The following BICC1 variants were observed in gnomAD, a reference collection of about 807,000 sequenced individuals.
BICC1 encodes the protein BicC family RNA binding protein 1.
BICC1 carries 43 observed loss-of-function variants against 111.0 expected under a neutral mutation model. That is an observed-to-expected ratio of 0.39 (90% CI 0.30 to 0.50). The LOEUF is 0.50. BICC1 is among the 20% of genes least tolerant of loss of function. The pLI is 0.88. For synonymous variants in BICC1, 467 were observed against 434.4 expected (o/e 1.07, Z -0.93); for missense variants, 1,091 against 1,203.2 (o/e 0.91, Z 1.38).
At chr10:58,766,081 C>T (rs1359994194) in intron 3 of BICC1, among the ~76,000 whole-genome samples, 1 of 152,278 alleles carries the variant, frequency 6.6e-6, no homozygotes, top group East Asian at 1.9e-4. Flanking sequence ...TTCTTCGTCA[C>T]CCCCTGAAGC....
intron 2 of BICC1, among the ~76,000 whole-genome samples, chr10:58,668,187 G>A (rs796202447): frequency 1.3e-5 from 2 of 152,128 alleles, no homozygotes; most frequent in East Asian, 3.9e-4. Context: ...GAAGTTTTAC[G>A]TCATCTGTAG....
At position 58,684,699 on chromosome 10, in the gene BICC1, T is replaced by G. The variant is rs190929570; in HGVS notation, c.238-17375T>G. Among the ~76,000 whole-genome samples the G allele has an allele frequency of 4.2e-3, 639 of 152,324 alleles. 13 individuals carry two copies. The highest frequency in any genetic ancestry group is 0.015 in the African/African-American group (608 of 41,582). Reference sequence around the variant, plus strand: ...TAGTATTCTCTGATGGTAGTTTGTATTTCTGTGGGATCGGTGGTGATATCC... The same window carrying G: ...TAGTATTCTCTGATGGTAGTTTGTAGTTCTGTGGGATCGGTGGTGATATCC... On this transcript the variant is annotated intron_variant, in intron 2 of 20. Transcript: ENST00000373886.
chr10:58,661,836 A>G (rs1435189848), intron 2 of BICC1, among the ~76,000 whole-genome samples: 1 of 152,210 alleles, frequency 6.6e-6, no homozygotes, highest in Non-Finnish European at 1.5e-5. Flanking sequence ...CTTTTAACAT[A>G]TGAGGCATTG....
rs1174625043 is a variant in BICC1 at position 58,829,088 on chromosome 10, A to AATATGG, written c.*200_*205dup. 1.9e-6 allele frequency: 1 copy of AATATGG among 522,006 alleles called. No individual in the cohort carries two copies. The highest frequency in any genetic ancestry group is 3.2e-6 in the Non-Finnish European group (1 of 313,706). The allele number at this position is 522,006 out of a possible 1,614,324, so 32.3% of individuals were successfully genotyped here. A position where few individuals can be genotyped will look rare whatever the true frequency, so the allele number is the denominator to read the frequency against. ...TCTTATGATGTCATACAGAACACCA[A>AATATGG]ATATGGATTACTTTTTTAAAATGGC... On this transcript the variant is annotated 3_prime_UTR_variant, in exon 21 of 21. Transcript: ENST00000373886.
chr10:58,780,895 G>A (rs987055088), intron 3 of BICC1, among the ~76,000 whole-genome samples: 4 of 151,886 alleles, frequency 2.6e-5, no homozygotes, highest in African/African-American at 9.7e-5. Context: ...GTGTCCTTAC[G>A]ACAATTGTTG....
intron 2 of BICC1, among the ~76,000 whole-genome samples, chr10:58,682,396 C>T (rs1282776232): frequency 6.6e-6 from 1 of 152,114 alleles, no homozygotes; most frequent in East Asian, 1.9e-4. Flanking sequence ...AATAGGATGG[C>T]TGGGTCAGAT....
chr10:58,795,114 A>G (rs1843310694), intron 9 of BICC1, among the ~76,000 whole-genome samples: 1 of 152,212 alleles, frequency 6.6e-6, no homozygotes, highest in African/African-American at 2.4e-5. Flanking sequence ...GAGATGTTCT[A>G]TTTATTTAAC....
chr10:58,592,588 G>C (rs528015629), intron 1 of BICC1, among the ~76,000 whole-genome samples: 3 of 151,892 alleles, frequency 2.0e-5, no homozygotes, highest in Admixed American at 6.6e-5. Context: ...GGTGGCGGGT[G>C]CCTGTAGTCC....
intron 2 of BICC1, among the ~76,000 whole-genome samples, chr10:58,659,982 G>A (rs945096184): frequency 6.6e-6 from 1 of 152,172 alleles, no homozygotes; most frequent in Non-Finnish European, 1.5e-5. Context: ...TTATAAGGAG[G>A]ATTGTCTAAA....
intron 1 of BICC1, among the ~76,000 whole-genome samples, chr10:58,563,501 C>A (rs1404445391): frequency 1.3e-5 from 2 of 152,190 alleles, no homozygotes; most frequent in African/African-American, 4.8e-5. Flanking sequence ...TGCTTTACTT[C>A]CTTCTCTGTG....
rs368710965 is a variant in BICC1, at chr10:58,828,757, C to G, written c.2795-4C>G. ...TCCTAACAATTCTCTCTTTCTCTCT[C>G]TAGAACTAAATAAAAACCGAAGAAA... On this transcript the variant is annotated splice_polypyrimidine_tract_variant and splice_region_variant and intron_variant, in intron 20 of 20. Coordinates refer to ENST00000373886, the MANE Select transcript of BICC1 (RefSeq NM_001080512.3). 5.3e-5 allele frequency: 85 copies of G among 1,613,120 alleles called. No homozygotes were observed. In the African/African-American group the frequency reaches 8.5e-4, roughly 16 times the overall value.
intron 2 of BICC1, among the ~76,000 whole-genome samples, chr10:58,688,395 T>C (rs1839809559): frequency 6.6e-6 from 1 of 152,124 alleles, no homozygotes; most frequent in Admixed American, 6.5e-5. Flanking sequence ...TTGGTGTGTT[T>C]ACAAACCTTT....
chr10:58,532,391 T>C (rs993784325), intron 1 of BICC1, among the ~76,000 whole-genome samples: 8 of 151,566 alleles, frequency 5.3e-5, no homozygotes, highest in African/African-American at 1.9e-4. Context: ...TTGAAAAGAG[T>C]CCCTATCCAG....
intron 3 of BICC1, among the ~76,000 whole-genome samples, chr10:58,777,712 G>A (rs1361532111): frequency 6.6e-6 from 1 of 151,814 alleles, no homozygotes; most frequent in Non-Finnish European, 1.5e-5. Flanking sequence ...CTCTTTCTCT[G>A]TTAAATATTA....
Position 58,514,014 on chromosome 10 carries a change from A to G in BICC1, c.190+681A>G, listed in dbSNP as rs1333080084. On this transcript the variant is annotated intron_variant, in intron 1 of 20. Transcript: ENST00000373886. ...CAGTCCATAAAAATCTTCCTATGCT[A>G]TGGGTGTCTGACTTTGTCTTTCACA... Among the ~76,000 whole-genome samples, 6 of 152,196 alleles carry G rather than the reference A, an allele frequency of 3.9e-5. No homozygotes were observed. In the East Asian group the frequency reaches 9.6e-4, roughly 24 times the overall value.
intron 1 of BICC1, among the ~76,000 whole-genome samples, chr10:58,577,389 A>AGGGAGTCGAGACTG (rs1844144152): frequency 6.6e-6 from 1 of 152,200 alleles, no homozygotes; most frequent in Non-Finnish European, 1.5e-5. Flanking sequence ...TTTAAAAGAT[A>AGGGAGTCGAGACTG]GGGAGTCGAG....
At chr10:58,524,388 T>C (rs1203671763) in intron 1 of BICC1, among the ~76,000 whole-genome samples, 1 of 151,814 alleles carries the variant, frequency 6.6e-6, no homozygotes, top group Non-Finnish European at 1.5e-5. Context: ...CCCTCAGAAA[T>C]AATGCCGCAT....
At position 58,831,385 on chromosome 10, in the gene BICC1, A is replaced by G. The variant is rs575241151; in HGVS notation, c.*2494A>G. 6.6e-6 allele frequency: 1 copy of G among 152,242 alleles called. No homozygotes were observed. Among genetic ancestry groups the G allele is most frequent in the African/African-American group, 2.4e-5 (1 of 41,560 alleles). The allele number at this position is 152,242 out of a possible 1,614,324, so 9.4% of individuals were successfully genotyped here. A position where few individuals can be genotyped will look rare whatever the true frequency, so the allele number is the denominator to read the frequency against. The stretch of plus-strand genomic sequence containing the variant: ...ATGGGAAATTTTTCTAACTGAATCA[A>G]TTGTTACATGAAAAATAAATTTATA... On this transcript the variant is annotated 3_prime_UTR_variant, in exon 21 of 21. Transcript: ENST00000373886.
chr10:58,523,543 G>GGGAC (rs1332770481), intron 1 of BICC1, among the ~76,000 whole-genome samples: 1 of 152,134 alleles, frequency 6.6e-6, no homozygotes, highest in Non-Finnish European at 1.5e-5. Flanking sequence ...AGGTATTGAT[G>GGGAC]GGACGTATCT....
Sources: gnomAD v4.1 joint callset for allele counts (sites outside exome capture counted in the v4.1 genomes callset) on GRCh38, gnomAD v4.1.1 for gene constraint, MANE v1.5 for transcripts, NCBI Gene and HGNC (gene_info 2026-07-23, HGNC 2026-07-21) for gene names.